Variants in SRC observed in about 807,000 individuals in gnomAD.
The protein encoded by SRC is SRC proto-oncogene, non-receptor tyrosine kinase, also known as proto-oncogene tyrosine-protein kinase Src.
In SRC, 13 loss-of-function variants were observed where a neutral mutation model predicts 62.9. The ratio of observed to expected loss-of-function variants is 0.21; its 90% CI spans 0.13 to 0.33. SRC has a LOEUF of 0.33. Among genes scored for constraint, SRC ranks in the 10% least tolerant of loss-of-function variants. The pLI, the probability that SRC is intolerant of heterozygous loss-of-function variation, is 1.00. For missense variants in SRC, 457 were observed against 737.3 expected (o/e 0.62, Z 4.40); for synonymous variants, 302 against 317.5 (o/e 0.95, Z 0.52).
chr20:37,374,548 A>C (rs1018273236), intron 2 of SRC, among the ~76,000 whole-genome samples: 1 of 147,642 alleles, frequency 6.8e-6, no homozygotes, highest in African/African-American at 2.5e-5. Flanking sequence ...ACTTATACCT[A>C]TACCAAATAC....
Position 37,403,488 on chromosome 20 carries a change from GC to G in SRC, c.*110del. ...CTGCTGTTGGTCCTCTCTCTGTGGG[GC>G]TGAATTGCCAGGGGCGAGGCCCTTC... On this transcript the variant is annotated 3_prime_UTR_variant, in exon 14 of 14. Transcript: ENST00000373578. This position sits in a 1 kb window ranked among gnomAD's most constrained non-coding sequence, Gnocchi z 7.1. The G allele has an allele frequency of 1.6e-6, 2 of 1,265,242 alleles. No homozygotes were observed. The highest frequency in any genetic ancestry group is 2.5e-5 in the Admixed American group (1 of 40,740). 78.4% of individuals were successfully genotyped at this position (1,265,242 alleles called of 1,614,324 possible). A position where few individuals can be genotyped will look rare whatever the true frequency, so the allele number is the denominator to read the frequency against.
At chr20:37,381,174 A>T (rs1175995651) in intron 2 of SRC, among the ~76,000 whole-genome samples, 1 of 152,154 alleles carries the variant, frequency 6.6e-6, no homozygotes, top group Non-Finnish European at 1.5e-5. Context: ...CTCACAAACC[A>T]TCAAACATTG....
Position 37,397,779 on chromosome 20 carries a change from G to T in SRC, c.784G>T (p.Ala262Ser). 6.2e-7 allele frequency: 1 copy of T among 1,612,660 alleles called. No homozygotes were observed. The highest frequency in any genetic ancestry group is 1.3e-5 in the African/African-American group (1 of 75,052). ...KPQTQGLAKD[A>S]WEIPRESLRL... ...GCAGACTCAGGGCCTGGCCAAGGAT[G>T]CCTGGGAGATCCCTCGGGAGTCGCT... Residue 262 changes from alanine (A) to serine (S), a missense_variant, in exon 9 of 14, where the codon GCC becomes TCC. Physicochemically the swap from Ala to Ser is moderately conservative, Grantham distance 99. Around this residue, in one of 4 missense-constraint regions of SRC, gnomAD observed 141 missense variants for 198.4 expected, o/e 0.71. Transcript: ENST00000373578. The surrounding 1 kb of genome is among the most constrained non-coding windows in gnomAD (Gnocchi z 4.1).
chr20:37,373,205 T>G (rs1223685999), intron 2 of SRC, among the ~76,000 whole-genome samples: 1 of 148,116 alleles, frequency 6.8e-6, no homozygotes, highest in East Asian at 1.9e-4. Context: ...TATGTACATA[T>G]CTACACACAT....
At position 37,396,348 on chromosome 20, in the gene SRC, A is replaced by G. The variant is rs756446147; in HGVS notation, c.703+37A>G. On this transcript the variant is annotated intron_variant, in intron 8 of 13. Coordinates refer to ENST00000373578, the MANE Select transcript of SRC (RefSeq NM_198291.3). This position sits in a 1 kb window ranked among gnomAD's most constrained non-coding sequence, Gnocchi z 6.1. ...TCGGAGGGCGGAGGGCGGGCGGGCA[A>G]AGCCTCAGCTGCAGACTCTGGGGAG... The G allele has an allele frequency of 1.4e-5, 23 of 1,608,206 alleles. No individual in the cohort carries two copies. Among genetic ancestry groups the G allele is most frequent in the Admixed American group, 5.0e-5 (3 of 59,966 alleles).
chr20:37,391,429 T>A (rs1317580627), intron 5 of SRC, among the ~76,000 whole-genome samples: 1 of 152,208 alleles, frequency 6.6e-6, no homozygotes, highest in African/African-American at 2.4e-5. Context: ...TGTGTCTCAT[T>A]TTCCCCCACT....
At chr20:37,382,540 G>A (rs1175820547) in intron 2 of SRC, 79 bp from the exon 3 acceptor site, 1 of 152,256 alleles carries the variant, frequency 6.6e-6, no homozygotes, top group Non-Finnish European at 1.5e-5. Context: ...TGATCAGAGA[G>A]TGGGCGCCAT....
intron 2 of SRC, among the ~76,000 whole-genome samples, chr20:37,373,175 CACAT>C (rs2070203666): frequency 6.9e-6 from 1 of 144,182 alleles, no homozygotes; most frequent in Admixed American, 6.8e-5. Context: ...TATATGTACA[CACAT>C]ACACATGTAT....
chr20:37,352,372 GC>G (rs2069817268), intron 1 of SRC, among the ~76,000 whole-genome samples: 1 of 152,232 alleles, frequency 6.6e-6, no homozygotes, highest in South Asian at 2.1e-4. Context: ...GCAGTGACCA[GC>G]CACCTTTGTC....
At chr20:37,378,277 C>G (rs951779815) in intron 2 of SRC, among the ~76,000 whole-genome samples, 1 of 151,556 alleles carries the variant, frequency 6.6e-6, no homozygotes, top group Non-Finnish European at 1.5e-5. Context: ...ATCCCCCCAC[C>G]TCAGCCTTCC....
At chr20:37,394,915 CGT>C (rs139551868) in intron 7 of SRC, among the ~76,000 whole-genome samples, 1 of 151,638 alleles carries the variant, frequency 6.6e-6, no homozygotes, top group African/African-American at 2.4e-5. Context: ...TACATCTGGG[CGT>C]GTGTGTGTGT....
intron 1 of SRC, among the ~76,000 whole-genome samples, chr20:37,346,994 C>T (rs1322481045): frequency 1.3e-5 from 2 of 152,256 alleles, no homozygotes; most frequent in African/African-American, 4.8e-5. Context: ...TGTGTGTCCT[C>T]AGACAACTGC....
chr20:37,392,608 G>A (rs560460208), intron 5 of SRC, among the ~76,000 whole-genome samples: 1 of 152,186 alleles, frequency 6.6e-6, no homozygotes, highest in South Asian at 2.1e-4. Context: ...CCTGCAGGGG[G>A]TGCTCCTATC....
chr20:37,367,537 A>T (rs778516724), intron 2 of SRC, among the ~76,000 whole-genome samples: 20 of 152,074 alleles, frequency 1.3e-4, no homozygotes, highest in Non-Finnish European at 2.5e-4. Context: ...ACAGGGTCTC[A>T]CTATGTTGCC....
Position 37,403,400 on chromosome 20 carries a change from G to A in SRC, c.*21G>A. 6.5e-7 allele frequency: 1 copy of A among 1,549,762 alleles called. No homozygotes were observed. The highest frequency in any genetic ancestry group is 2.4e-5 in the East Asian group (1 of 42,264). On this transcript the variant is annotated 3_prime_UTR_variant, in exon 14 of 14. Transcript: ENST00000373578. The surrounding 1 kb of genome is among the most constrained non-coding windows in gnomAD (Gnocchi z 7.1). The stretch of plus-strand genomic sequence containing the variant: ...TCTAGGCACAGGCGGGCCCAGACCG[G>A]CTTCTCGGCTTGGATCCTGGGCTGG...
intron 1 of SRC, among the ~76,000 whole-genome samples, chr20:37,360,032 C>G (rs1341013978): frequency 1.3e-5 from 2 of 152,034 alleles, no homozygotes; most frequent in Non-Finnish European, 2.9e-5. Flanking sequence ...GTCCTGCCTC[C>G]TCCACACCTG....
intron 1 of SRC, among the ~76,000 whole-genome samples, chr20:37,350,589 A>T (rs1568616311): frequency 1.3e-5 from 2 of 152,200 alleles, no homozygotes; most frequent in Non-Finnish European, 2.9e-5. Flanking sequence ...AAGCCAAGTC[A>T]CTTAGTCTCT....
In SRC at chr20:37,397,760, T is replaced by C. The variant is rs2070677535; in HGVS notation, c.765T>C (p.Thr255=). ...TTVCPTSKPQ[T]QGLAKDAWEI... Reference sequence around the variant, plus strand: ...TGTGCCCCACGTCCAAGCCGCAGACTCAGGGCCTGGCCAAGGATGCCTGGG... The same window carrying C: ...TGTGCCCCACGTCCAAGCCGCAGACCCAGGGCCTGGCCAAGGATGCCTGGG... Residue 255 remains threonine (T), a synonymous_variant, in exon 9 of 14, where the codon ACT becomes ACC. Transcript: ENST00000373578. The surrounding 1 kb of genome is among the most constrained non-coding windows in gnomAD (Gnocchi z 4.1). The C allele has an allele frequency of 6.2e-7, 1 of 1,612,004 alleles. No individual in the cohort carries two copies. Among genetic ancestry groups the C allele is most frequent in the South Asian group, 1.1e-5 (1 of 90,802 alleles).
At chr20:37,394,015 C>T in intron 6 of SRC, 22 bp downstream of exon 6, 2 of 1,609,236 alleles carry the variant, frequency 1.2e-6, no homozygotes, top group Non-Finnish European at 1.7e-6. Context: ...CTCTGGCTGC[C>T]TCTACCCGTC....
Sources: allele counts gnomAD v4.1 joint callset (sites outside exome capture counted in the v4.1 genomes callset), GRCh38; gene constraint gnomAD v4.1.1; regional missense constraint gnomAD v4.1.1; non-coding constraint Gnocchi (gnomAD v3.1); transcripts MANE v1.5; gene names NCBI Gene and HGNC (gene_info 2026-07-23, HGNC 2026-07-21).